The following TLE4 variants were observed in gnomAD, a reference collection of about 807,000 sequenced individuals.
TLE4 encodes the protein TLE family member 4, transcriptional corepressor, also known as transducin-like enhancer protein 4.
A neutral mutation model predicts 92.8 loss-of-function variants in TLE4; 8 were observed. The observed-to-expected ratio is 0.09, with a 90% confidence interval of 0.05 to 0.16. TLE4 has a LOEUF of 0.16. Among genes scored for constraint, TLE4 ranks in the 10% least tolerant of loss-of-function variants. The pLI is 1.00. For synonymous variants in TLE4, 371 were observed against 374.1 expected (o/e 0.99, Z 0.10); for missense variants, 675 against 997.6 (o/e 0.68, Z 4.36).
chr9:79,685,602 T>G (rs1220955613), intron 8 of TLE4, among the ~76,000 whole-genome samples: 1 of 152,182 alleles, frequency 6.6e-6, no homozygotes, highest in Admixed American at 6.5e-5. Flanking sequence ...TCTAGGGGGA[T>G]TATTCAAGCC....
chr9:79,654,320 T>G (rs1240072470), intron 8 of TLE4, among the ~76,000 whole-genome samples: 2 of 151,852 alleles, frequency 1.3e-5, no homozygotes, highest in Non-Finnish European at 2.9e-5. Context: ...CTTGCATTGC[T>G]CATTTTATTA....
At chr9:79,670,154 A>AG (rs2062042014) in intron 8 of TLE4, among the ~76,000 whole-genome samples, 1 of 151,940 alleles carries the variant, frequency 6.6e-6, no homozygotes, top group African/African-American at 2.4e-5. Flanking sequence ...CTCACCTTAG[A>AG]GGGGATAGCT....
intron 6 of TLE4, among the ~76,000 whole-genome samples, chr9:79,641,057 G>A (rs2057032786): frequency 6.6e-6 from 1 of 150,888 alleles, no homozygotes; most frequent in Admixed American, 6.6e-5. Flanking sequence ...AAAAGAATTG[G>A]ATACATACAT....
chr9:79,704,934 C>T (rs1032231224), intron 9 of TLE4, 32 bp downstream of exon 9: 1 of 1,610,872 alleles, frequency 6.2e-7, no homozygotes, highest in Admixed American at 1.7e-5. Context: ...TTAGGGGAGG[C>T]CAGCTTGCCT....
chr9:79,624,483 A>C (rs2051951567), intron 5 of TLE4, among the ~76,000 whole-genome samples: 1 of 152,204 alleles, frequency 6.6e-6, no homozygotes, highest in African/African-American at 2.4e-5. Flanking sequence ...GGTTGTAAGC[A>C]GAAATAGGGA....
At chr9:79,657,759 A>G (rs7022420) in intron 8 of TLE4, among the ~76,000 whole-genome samples, 16,498 of 152,182 alleles carry the variant, frequency 0.11, 1,008 homozygotes, top group African/African-American at 0.14. Flanking sequence ...CATAATTCCA[A>G]TATCAGGTAG....
intron 14 of TLE4, among the ~76,000 whole-genome samples, chr9:79,713,034 C>T (rs2073711285): frequency 6.6e-6 from 1 of 152,222 alleles, no homozygotes; most frequent in Admixed American, 6.5e-5. Context: ...TTGGCTAACT[C>T]ACTGGTCTGT....
intron 4 of TLE4, among the ~76,000 whole-genome samples, chr9:79,577,556 A>G (rs571466234): frequency 1.3e-5 from 2 of 152,270 alleles, no homozygotes; most frequent in South Asian, 2.1e-4. Context: ...AATCTGTTCA[A>G]TCTTGTGGAT....
At chr9:79,676,681 T>A (rs1467648073) in intron 8 of TLE4, among the ~76,000 whole-genome samples, 1 of 152,140 alleles carries the variant, frequency 6.6e-6, no homozygotes, top group Non-Finnish European at 1.5e-5. Flanking sequence ...AGGGGAGGCG[T>A]GGCCATCGTC....
chr9:79,656,117 G>C (rs914930535), intron 8 of TLE4, among the ~76,000 whole-genome samples: 12 of 152,132 alleles, frequency 7.9e-5, no homozygotes, highest in African/African-American at 2.7e-4. Flanking sequence ...GTTGTATTAC[G>C]TCAGGTCTGG....
chr9:79,708,136 C>T lies in TLE4; in HGVS notation c.955C>T (p.Pro319Ser), dbSNP rs768395977. Reference sequence around the variant, plus strand: ...TTGTTAGAATGAAAAATCTACTACTCCCGTCTCAAAGTCCAATACCCCTAC... The same window carrying T: ...TTGTTAGAATGAAAAATCTACTACTTCCGTCTCAAAGTCCAATACCCCTAC... The part of the protein sequence containing the change: ...ELSLNEKSTT[P>S]VSKSNTPTPR... The change falls in exon 12 of 20, where the codon CCC becomes TCC. Residue 319 changes from proline to serine, a missense_variant. By Grantham distance (74) the Pro-to-Ser change is moderately conservative. This residue lies in a region of TLE4 where 280 missense variants were observed against 287.3 expected (regional missense o/e 0.97). Coordinates refer to ENST00000376552, the MANE Select transcript of TLE4 (RefSeq NM_007005.6). 6.2e-7 allele frequency: 1 copy of T among 1,614,010 alleles called. No homozygotes were observed. The highest frequency in any genetic ancestry group is 8.5e-7 in the Non-Finnish European group (1 of 1,179,960).
rs370264946 is a variant in TLE4 at position 79,576,032 on chromosome 9, G to A, written c.208-101G>A. On this transcript the variant is annotated intron_variant, in intron 3 of 19. Transcript: ENST00000376552. ...TATATGAAGATACTGGTTTAGGTGAGGCTTTTATGTTTGTTTCAGATTTAC... is the reference window on the plus strand; with the variant it reads ...TATATGAAGATACTGGTTTAGGTGAAGCTTTTATGTTTGTTTCAGATTTAC... The A allele has an allele frequency of 4.6e-4, 332 of 728,150 alleles. 1 individual carries two copies. The African/African-American group carries it at 4.9e-3, about 11-fold the overall frequency. The allele number at this position is 728,150 out of a possible 1,614,324, so 45.1% of individuals were successfully genotyped here.
intron 4 of TLE4, among the ~76,000 whole-genome samples, chr9:79,598,288 G>A (rs932052664): frequency 2.0e-5 from 3 of 151,320 alleles, no homozygotes; most frequent in Admixed American, 2.0e-4. Flanking sequence ...CTCACTACGA[G>A]TAATGCAATA....
At chr9:79,686,044 T>C (rs2135411779) in intron 8 of TLE4, among the ~76,000 whole-genome samples, 1 of 152,262 alleles carries the variant, frequency 6.6e-6, no homozygotes, top group East Asian at 1.9e-4. Flanking sequence ...ATAGAGATGA[T>C]TTAGTTATAA....
intron 13 of TLE4, 34 bp from the exon 14 acceptor site, chr9:79,709,589 C>T: frequency 6.3e-7 from 1 of 1,596,842 alleles, no homozygotes; most frequent in Non-Finnish European, 8.6e-7. Context: ...TGTAACTGTG[C>T]TTATTTCTGT....
At chr9:79,609,697 G>T (rs1331076262) in intron 4 of TLE4, among the ~76,000 whole-genome samples, 1 of 151,904 alleles carries the variant, frequency 6.6e-6, no homozygotes, top group African/African-American at 2.4e-5. Context: ...GCATCTGAAG[G>T]CAATAGTTTA....
At chr9:79,643,421 A>G (rs1020061551) in intron 6 of TLE4, among the ~76,000 whole-genome samples, 1 of 152,194 alleles carries the variant, frequency 6.6e-6, no homozygotes, top group Non-Finnish European at 1.5e-5. Flanking sequence ...TATTTCTCCA[A>G]TTGTCCACAA....
chr9:79,648,326 A>C (rs1300055337), intron 6 of TLE4, among the ~76,000 whole-genome samples: 1 of 152,172 alleles, frequency 6.6e-6, no homozygotes, highest in African/African-American at 2.4e-5. Context: ...AAAGTCTCAC[A>C]GTCTCTGGCA....
At chr9:79,600,750 G>A (rs1474918227) in intron 4 of TLE4, among the ~76,000 whole-genome samples, 1 of 152,162 alleles carries the variant, frequency 6.6e-6, no homozygotes, top group Non-Finnish European at 1.5e-5. Context: ...GGCTCCCCAA[G>A]CCTGGCTCTA....
Sources: gnomAD v4.1 joint callset for allele counts (sites outside exome capture counted in the v4.1 genomes callset) on GRCh38, gnomAD v4.1.1 for gene constraint, gnomAD v4.1.1 regional missense constraint, MANE v1.5 for transcripts, NCBI Gene and HGNC (gene_info 2026-07-23, HGNC 2026-07-21) for gene names.